Variants in BOC observed in about 807,000 individuals in gnomAD.
BOC encodes the protein BOC cell adhesion associated, oncogene regulated.
BOC carries 76 observed loss-of-function variants against 112.0 expected under a neutral mutation model. The ratio of observed to expected loss-of-function variants is 0.68; its 90% CI spans 0.56 to 0.82. BOC has a LOEUF of 0.82. Among genes scored for constraint, BOC ranks in the 40% least tolerant of loss-of-function variants. BOC has a pLI of 0.00. For missense variants in BOC, 1,309 were observed against 1,511.7 expected, an observed-to-expected ratio of 0.87 and a Z score of 2.22; for synonymous variants, 580 against 599.8, an observed-to-expected ratio of 0.97 and a Z score of 0.48.
rs993789133 is a variant in BOC, at chr3:113,279,394, T to C, written c.1962T>C (p.Ile654=). Residue 654 remains isoleucine, a synonymous_variant, in exon 12 of 20, where the codon ATT becomes ATC. Coordinates refer to ENST00000682979, the MANE Select transcript of BOC (RefSeq NM_001378074.1). ...AGCTAAAGAAAGTGGGAGACTGGAT[T>C]CTGGCCACCAGCGCCATCCCCCCAT... ...YKKLKKVGDW[I]LATSAIPPSR... 4.3e-6 allele frequency: 7 copies of C among 1,614,062 alleles called. No homozygotes were observed. The African/African-American group carries it at 9.3e-5, about 22-fold the overall frequency.
At chr3:113,282,936 CG>C (rs1949328725) in intron 15 of BOC, among the ~76,000 whole-genome samples, 1 of 152,134 alleles carries the variant, frequency 6.6e-6, no homozygotes, top group Admixed American at 6.5e-5. Context: ...TGTGTGTCCT[CG>C]TGAGTCCGGG....
Position 113,220,596 on chromosome 3 carries a change from T to C in BOC, c.-82+4322T>C, listed in dbSNP as rs566089932. Among the ~76,000 whole-genome samples, 6 of 152,304 alleles carry C rather than the reference T, an allele frequency of 3.9e-5. No individual in the cohort carries two copies. The South Asian group carries it at 1.2e-3, about 32-fold the overall frequency. Reference sequence around the variant, plus strand: ...TGCTTACCCAAGTTGAGTTAGGAGATGAGAAATTGTAGGGAACTGGCCAGA... The same window carrying C: ...TGCTTACCCAAGTTGAGTTAGGAGACGAGAAATTGTAGGGAACTGGCCAGA... On this transcript the variant is annotated intron_variant, in intron 2 of 19. Coordinates refer to ENST00000682979, the MANE Select transcript of BOC (RefSeq NM_001378074.1).
intron 4 of BOC, chr3:113,251,609 T>C (rs898738729): frequency 1.3e-5 from 2 of 152,198 alleles, no homozygotes; most frequent in Admixed American, 1.3e-4. Flanking sequence ...ATATAGAAAT[T>C]GTGTTATTTC....
chr3:113,286,906 TAAAA>T lies in BOC; in HGVS notation c.*52_*55del, dbSNP rs5851892. 5 of 1,254,668 alleles carry T rather than the reference TAAAA, an allele frequency of 4.0e-6. No individual in the cohort carries two copies. The highest frequency in any genetic ancestry group is 1.6e-5 in the South Asian group (1 of 63,360). 77.7% of individuals were successfully genotyped at this position (1,254,668 alleles called of 1,614,324 possible). ...GAAAGACTATATATTGTTTTTTTTTTAAAAAAAAAAAGAAGAAAAAAGAGACAGA... is the reference window on the plus strand; with the variant it reads ...GAAAGACTATATATTGTTTTTTTTTTAAAAAAAGAAGAAAAAAGAGACAGA... On this transcript the variant is annotated 3_prime_UTR_variant, in exon 20 of 20. Coordinates refer to ENST00000682979, the MANE Select transcript of BOC (RefSeq NM_001378074.1).
intron 4 of BOC, chr3:113,251,034 A>G: frequency 1.5e-6 from 1 of 654,232 alleles, no homozygotes; most frequent in Non-Finnish European, 2.6e-6. Flanking sequence ...CCTCACTCCA[A>G]GTAGAGGCTG....
intron 6 of BOC, chr3:113,272,153 T>C: frequency 1.8e-6 from 1 of 564,114 alleles, no homozygotes; most frequent in Non-Finnish European, 3.2e-6. Flanking sequence ...ACTGTGCATA[T>C]GTTATGTTGA....
chr3:113,285,339 C>A, intron 18 of BOC, 33 bp from the exon 19 acceptor site: 1 of 1,606,594 alleles, frequency 6.2e-7, no homozygotes, highest in Admixed American at 1.7e-5. Flanking sequence ...CCCTGCCCAG[C>A]CCCACCTCCC....
chr3:113,285,623 C>T lies in BOC; in HGVS notation c.3160+58C>T, dbSNP rs188774467. 8,875 of 1,429,850 alleles carry T rather than the reference C, an allele frequency of 6.2e-3. 40 individuals carry two copies. Among genetic ancestry groups the T allele is most frequent in the Non-Finnish European group, 7.1e-3 (7,570 of 1,073,640 alleles). The allele number at this position is 1,429,850 out of a possible 1,614,324, so 88.6% of individuals were successfully genotyped here. A position where few individuals can be genotyped will look rare whatever the true frequency, so the allele number is the denominator to read the frequency against. ...CAGGCTGGGGGTGACATGAGGTAGG[C>T]ATCCACAAGCCAGTAGTAACAGTCT... On this transcript the variant is annotated intron_variant, in intron 19 of 19. Transcript: ENST00000682979.
chr3:113,265,522 G>A (rs542163475), intron 4 of BOC, among the ~76,000 whole-genome samples: 1 of 152,294 alleles, frequency 6.6e-6, no homozygotes, highest in African/African-American at 2.4e-5. Flanking sequence ...TCCTGACTTG[G>A]CAGGTACAGG....
At chr3:113,265,699 T>C (rs1947404856) in intron 4 of BOC, among the ~76,000 whole-genome samples, 1 of 152,248 alleles carries the variant, frequency 6.6e-6, no homozygotes, top group Admixed American at 6.5e-5. Flanking sequence ...CTATCTTGGC[T>C]GAGAGGCTCA....
Position 113,280,555 on chromosome 3 carries a change from T to TAGTA in BOC, c.2206-2_2207dup, listed in dbSNP as rs1430847070. ...CAACTTGTTTCTTCTCCATTCCCTA[T>TAGTA]AGTACATCCCAGCAAGTAACAACAA... On this transcript the variant is annotated splice_polypyrimidine_tract_variant and splice_region_variant and intron_variant, in intron 13 of 19. Transcript: ENST00000682979. 6.3e-7 allele frequency: 1 copy of TAGTA among 1,591,126 alleles called. No individual in the cohort carries two copies. The highest frequency in any genetic ancestry group is 8.6e-7 in the Non-Finnish European group (1 of 1,159,198).
At chr3:113,251,337 G>A (rs1035466526) in intron 4 of BOC, 7 of 189,108 alleles carry the variant, frequency 3.7e-5, no homozygotes, top group Non-Finnish European at 6.6e-5. Context: ...CTGTCTCTCT[G>A]TGAGGGGCAA....
intron 6 of BOC, chr3:113,272,185 TC>T: frequency 1.7e-6 from 1 of 590,502 alleles, no homozygotes; most frequent in Non-Finnish European, 3.0e-6. Flanking sequence ...TTCTGTGTTA[TC>T]TCATTTCTTA....
chr3:113,237,069 C>A (rs934214127), intron 2 of BOC, among the ~76,000 whole-genome samples: 1 of 152,158 alleles, frequency 6.6e-6, no homozygotes, highest in Non-Finnish European at 1.5e-5. Context: ...CTGCTGAGCT[C>A]CAATGCTGTC....
rs777469417 is a variant in BOC, at chr3:113,268,447, T to C, written c.523+2T>C. 4 of 1,612,314 alleles carry C rather than the reference T, an allele frequency of 2.5e-6. No homozygotes were observed. Among genetic ancestry groups the C allele is most frequent in the Non-Finnish European group, 3.4e-6 (4 of 1,179,266 alleles). ...AAGAGTGGCTGGAGGCCTCCAGAGG[T>C]GAGTGGGCAGGAGCCCAGAGGCCAA... On this transcript the variant is annotated splice_donor_variant, in intron 5 of 19. Transcript: ENST00000682979. LOFTEE classifies it high-confidence loss of function.
At chr3:113,240,679 T>G (rs1944173843) in intron 2 of BOC, among the ~76,000 whole-genome samples, 1 of 152,236 alleles carries the variant, frequency 6.6e-6, no homozygotes. Flanking sequence ...AGCTTTAGGC[T>G]TTACAACTTA....
chr3:113,237,694 G>A (rs139960466), intron 2 of BOC, among the ~76,000 whole-genome samples: 32 of 152,284 alleles, frequency 2.1e-4, no homozygotes, highest in Admixed American at 1.6e-3. Context: ...CCACACTGAC[G>A]TGGGGACCTT....
chr3:113,280,972 T>C (rs1255154752), intron 14 of BOC, 59 bp from the exon 15 acceptor site: 24 of 1,596,996 alleles, frequency 1.5e-5, no homozygotes, highest in Admixed American at 5.0e-5. Context: ...ACTATGAGAT[T>C]GGGATCAAGA....
intron 2 of BOC, among the ~76,000 whole-genome samples, chr3:113,220,426 T>A (rs1392730543): frequency 6.6e-6 from 1 of 152,284 alleles, no homozygotes; most frequent in East Asian, 1.9e-4. Context: ...GGAAATGAGG[T>A]CATGGAAACT....
Sources: gnomAD v4.1 joint callset for allele counts (sites outside exome capture counted in the v4.1 genomes callset) on GRCh38, gnomAD v4.1.1 for gene constraint, MANE v1.5 for transcripts, NCBI Gene and HGNC (gene_info 2026-07-23, HGNC 2026-07-21) for gene names.